The following SIPA1L1 variants were observed in gnomAD, a reference collection of about 807,000 sequenced individuals.
SIPA1L1 encodes the protein signal-induced proliferation-associated 1-like protein 1.
SIPA1L1 carries 26 observed loss-of-function variants against 162.7 expected under a neutral mutation model. That is an observed-to-expected ratio of 0.16 (90% CI 0.12 to 0.22). The LOEUF (loss-of-function observed/expected upper bound fraction) is 0.22. SIPA1L1 is among the 10% of genes least tolerant of loss of function. The pLI, the probability that SIPA1L1 is intolerant of heterozygous loss-of-function variation, is 1.00. For synonymous variants in SIPA1L1, 829 were observed against 837.4 expected, an observed-to-expected ratio of 0.99 and a Z score of 0.17; for missense variants, 1,874 against 2,241.0, an observed-to-expected ratio of 0.84 and a Z score of 3.31.
Position 71,397,998 on chromosome 14 carries a change from CAA to C in SIPA1L1, c.-465+76827_-465+76828del, listed in dbSNP as rs560603855. On this transcript the variant is annotated intron_variant, in intron 2 of 23. Transcript: ENST00000381232. ...GATGGCCTAACTGGAATTAAATAACCAAAAAAAAAAATTTTTTTTTTTTTTTT... is the reference window on the plus strand; with the variant it reads ...GATGGCCTAACTGGAATTAAATAACCAAAAAAAAATTTTTTTTTTTTTTTT... 3.4e-3 allele frequency among the ~76,000 whole-genome samples: 400 copies of C among 116,386 alleles called. 3 individuals are homozygous for C. The highest frequency in any genetic ancestry group is 0.012 in the African/African-American group (374 of 30,296). The allele number at this position is 116,386 out of a possible 152,430, so 76.4% of individuals were successfully genotyped here. A position where few individuals can be genotyped will look rare whatever the true frequency, so the allele number is the denominator to read the frequency against.
In SIPA1L1 at chr14:71,618,854, G is replaced by A. The variant is rs562281013; in HGVS notation, c.1596G>A (p.Pro532=). Reference sequence around the variant, plus strand: ...ATGAAATGAAAGAAAATGGATCTCCGTACAACTACCGAATAATTTTTAGAA... The same window carrying A: ...ATGAAATGAAAGAAAATGGATCTCCATACAACTACCGAATAATTTTTAGAA... ...KPDEMKENGS[P]YNYRIIFRTS... is the part of the protein sequence containing the mutation. Residue 532 remains proline, a synonymous_variant, in exon 6 of 24, where the codon CCG becomes CCA. Coordinates refer to ENST00000381232, the MANE Select transcript of SIPA1L1 (RefSeq NM_001386936.1). The A allele has an allele frequency of 2.2e-5, 36 of 1,613,780 alleles. No homozygotes were observed. Among genetic ancestry groups the A allele is most frequent in the Middle Eastern group, 1.7e-4 (1 of 6,058 alleles).
intron 8 of SIPA1L1, among the ~76,000 whole-genome samples, chr14:71,652,407 A>G (rs1028659798): frequency 2.0e-5 from 3 of 152,206 alleles, no homozygotes; most frequent in Non-Finnish European, 2.9e-5. Flanking sequence ...TTTGAATATA[A>G]TTCTTTTTCT....
intron 2 of SIPA1L1, among the ~76,000 whole-genome samples, chr14:71,420,519 TAAAAATCACCTAATTC>T (rs2043108827): frequency 6.6e-6 from 1 of 152,210 alleles, no homozygotes; most frequent in South Asian, 2.1e-4. Flanking sequence ...CAGATCAAAG[TAAAAATCACCTAATTC>T]CCACCAGATC....
At chr14:71,585,511 G>T (rs910288653) in intron 4 of SIPA1L1, among the ~76,000 whole-genome samples, 1 of 152,154 alleles carries the variant, frequency 6.6e-6, no homozygotes, top group African/African-American at 2.4e-5. Context: ...TTCCAAGTCA[G>T]TTTTATTTCT....
In SIPA1L1 at chr14:71,680,309, C is replaced by A. The variant is rs144082510; in HGVS notation, c.3105-5053C>A. Among the ~76,000 whole-genome samples the A allele has an allele frequency of 5.4e-3, 821 of 152,324 alleles. 9 individuals carry two copies. Among genetic ancestry groups the A allele is most frequent in the African/African-American group, 0.019 (793 of 41,576 alleles). On this transcript the variant is annotated intron_variant, in intron 12 of 23. Coordinates refer to ENST00000381232, the MANE Select transcript of SIPA1L1 (RefSeq NM_001386936.1). Reference sequence around the variant, plus strand: ...GCTCAACTACATGGAAACTGAACATCCTGCTCCTGAATGACTACTGGGTTT... The same window carrying A: ...GCTCAACTACATGGAAACTGAACATACTGCTCCTGAATGACTACTGGGTTT...
In SIPA1L1 at chr14:71,418,652, G is replaced by C. The variant is rs2042965432; in HGVS notation, c.-464-94091G>C. 2.0e-5 allele frequency among the ~76,000 whole-genome samples: 3 copies of C among 152,174 alleles called. No individual in the cohort carries two copies. The South Asian group carries it at 6.2e-4, about 32-fold the overall frequency. On this transcript the variant is annotated intron_variant, in intron 2 of 23. Coordinates refer to ENST00000381232, the MANE Select transcript of SIPA1L1 (RefSeq NM_001386936.1). ...TTGCTAATGTTTCTCGAAGGGCTTA[G>C]GAAACAGTGATGGGGATTTTATTTT...
intron 3 of SIPA1L1, among the ~76,000 whole-genome samples, chr14:71,527,243 G>A (rs748480569): frequency 6.6e-6 from 1 of 152,136 alleles, no homozygotes; most frequent in African/African-American, 2.4e-5. Context: ...GAACTCCTGG[G>A]GACAAGCGAT....
chr14:71,716,118 T>C (rs1053177615), intron 17 of SIPA1L1, among the ~76,000 whole-genome samples: 12 of 122,692 alleles, frequency 9.8e-5, no homozygotes, highest in Non-Finnish European at 3.2e-5. Context: ...ATCTTCTTTG[T>C]CAACTTAATC....
At chr14:71,455,772 C>T (rs534496546) in intron 2 of SIPA1L1, among the ~76,000 whole-genome samples, 20 of 152,270 alleles carry the variant, frequency 1.3e-4, no homozygotes, top group Middle Eastern at 3.4e-3. Context: ...AGATTTGAAC[C>T]TACATATGTT....
chr14:71,406,314 T>A (rs900584895), intron 2 of SIPA1L1, among the ~76,000 whole-genome samples: 14 of 152,252 alleles, frequency 9.2e-5, no homozygotes, highest in Non-Finnish European at 1.8e-4. Flanking sequence ...TGGGTGCCAC[T>A]GACATCTTGT....
chr14:71,486,952 A>T (rs1042108433), intron 2 of SIPA1L1, among the ~76,000 whole-genome samples: 5 of 152,200 alleles, frequency 3.3e-5, no homozygotes, highest in Non-Finnish European at 7.3e-5. Context: ...TCTTTCTCAC[A>T]GAGGCCCTTC....
chr14:71,508,973 T>C (rs952419289), intron 2 of SIPA1L1, among the ~76,000 whole-genome samples: 16 of 151,236 alleles, frequency 1.1e-4, no homozygotes, highest in African/African-American at 3.9e-4. Flanking sequence ...GTGTAGATTT[T>C]CCCATAAGAT....
Position 71,599,460 on chromosome 14 carries a change from C to CTTTTT in SIPA1L1, c.1498+10105_1498+10109dup, listed in dbSNP as rs111750084. Among the ~76,000 whole-genome samples the CTTTTT allele has an allele frequency of 1.2e-4, 16 of 130,312 alleles. No homozygotes were observed. In the East Asian group the frequency reaches 3.5e-3, roughly 28 times the overall value. The allele number at this position is 130,312 out of a possible 152,430, so 85.5% of individuals were successfully genotyped here. On this transcript the variant is annotated intron_variant, in intron 5 of 23. Coordinates refer to ENST00000381232, the MANE Select transcript of SIPA1L1 (RefSeq NM_001386936.1). The stretch of plus-strand genomic sequence containing the variant: ...AGCCACCACGCTGGGCGATTTCATT[C>CTTTTT]TTTTTTTTTTTTTTTTTTTAATCAC...
At chr14:71,599,058 A>G (rs1176140003) in intron 5 of SIPA1L1, among the ~76,000 whole-genome samples, 7 of 149,090 alleles carry the variant, frequency 4.7e-5, no homozygotes, top group Admixed American at 4.7e-4. Flanking sequence ...AACATGCAAT[A>G]TTTGTCTTTA....
chr14:71,436,654 CTATCTGGCAAA>C (rs1041441127), intron 2 of SIPA1L1, among the ~76,000 whole-genome samples: 1 of 151,710 alleles, frequency 6.6e-6, no homozygotes, highest in African/African-American at 2.4e-5. Flanking sequence ...ATATTTTATA[CTATCTGGCAAA>C]TATTAAAGCT....
chr14:71,615,623 C>T (rs143052974), intron 5 of SIPA1L1, among the ~76,000 whole-genome samples: 78 of 152,130 alleles, frequency 5.1e-4, no homozygotes, highest in African/African-American at 1.6e-3. Flanking sequence ...AGGGACTGGA[C>T]GGGGAGCTAT....
chr14:71,389,643 T>G (rs2040593486), intron 2 of SIPA1L1, among the ~76,000 whole-genome samples: 5 of 152,192 alleles, frequency 3.3e-5, no homozygotes, highest in Admixed American at 3.3e-4. Flanking sequence ...TTAGGAATAT[T>G]GAGTATATTT....
intron 2 of SIPA1L1, among the ~76,000 whole-genome samples, chr14:71,434,817 G>A (rs926047169): frequency 6.6e-6 from 1 of 152,200 alleles, no homozygotes. Flanking sequence ...CTGGGTTCAA[G>A]TGATCCTCCC....
At chr14:71,338,473 A>G (rs367817455) in intron 2 of SIPA1L1, among the ~76,000 whole-genome samples, 207 of 152,310 alleles carry the variant, frequency 1.4e-3, no homozygotes, top group African/African-American at 4.5e-3. Context: ...GCCCTAATGC[A>G]TAAGGCTGGA....
Sources: gnomAD v4.1 joint callset for allele counts (sites outside exome capture counted in the v4.1 genomes callset) on GRCh38, gnomAD v4.1.1 for gene constraint, MANE v1.5 for transcripts, NCBI Gene and HGNC (gene_info 2026-07-23, HGNC 2026-07-21) for gene names.